PLXDC2: variants seen among roughly 807,000 people sequenced by gnomAD.
PLXDC2 encodes plexin domain-containing protein 2.
In PLXDC2, 40 loss-of-function variants were observed where a neutral mutation model predicts 68.9. The ratio of observed to expected loss-of-function variants is 0.58; its 90% CI spans 0.45 to 0.76. The LOEUF is 0.76. Ranked by LOEUF, PLXDC2 falls within the 30% of genes least tolerant of loss-of-function variation. The probability of loss-of-function intolerance (pLI) is 0.00; values close to 1 mark genes in which losing one functional copy is unlikely to be tolerated. For missense variants in PLXDC2, 644 were observed against 661.9 expected (o/e 0.97, Z 0.30); for synonymous variants, 243 against 234.2 (o/e 1.04, Z -0.34).
At chr10:20,070,532 A>G (rs1268928881) in intron 4 of PLXDC2, among the ~76,000 whole-genome samples, 1 of 152,234 alleles carries the variant, frequency 6.6e-6, no homozygotes, top group Non-Finnish European at 1.5e-5. Flanking sequence ...GGATATATCC[A>G]GTATAGTGCC....
intron 1 of PLXDC2, 28 bp from the exon 2 acceptor site, chr10:20,001,747 T>C: frequency 1.9e-6 from 3 of 1,596,402 alleles, no homozygotes; most frequent in African/African-American, 1.3e-5. Context: ...TAATGAGTGG[T>C]AACCCATTTT....
chr10:20,251,943 G>A (rs1440809403), intron 13 of PLXDC2, among the ~76,000 whole-genome samples: 1 of 138,786 alleles, frequency 7.2e-6, no homozygotes, highest in Non-Finnish European at 1.6e-5. Context: ...ATATTGGAGG[G>A]TTAAAAAAAA....
chr10:19,820,326 A>G (rs368712336), intron 1 of PLXDC2, among the ~76,000 whole-genome samples: 1 of 152,186 alleles, frequency 6.6e-6, no homozygotes, highest in Non-Finnish European at 1.5e-5. Context: ...AGATACTCAC[A>G]GAGTATGTAG....
intron 1 of PLXDC2, among the ~76,000 whole-genome samples, chr10:19,974,385 A>G (rs1271286789): frequency 1.3e-5 from 2 of 152,212 alleles, no homozygotes; most frequent in African/African-American, 2.4e-5. Flanking sequence ...CAGCCAGTCT[A>G]TGGGCTGAAA....
chr10:19,889,096 G>T (rs1269974947), intron 1 of PLXDC2, among the ~76,000 whole-genome samples: 1 of 151,740 alleles, frequency 6.6e-6, no homozygotes, highest in East Asian at 1.9e-4. Context: ...CCCAAATTTT[G>T]ACCCATTGCT....
intron 1 of PLXDC2, among the ~76,000 whole-genome samples, chr10:19,988,010 A>G (rs1834677899): frequency 1.3e-5 from 2 of 152,156 alleles, no homozygotes; most frequent in Admixed American, 6.5e-5. Context: ...TTAGACTCTT[A>G]CCACCAAATA....
chr10:20,179,038 C>T (rs1052075426), intron 9 of PLXDC2, among the ~76,000 whole-genome samples: 3 of 151,940 alleles, frequency 2.0e-5, no homozygotes, highest in African/African-American at 7.2e-5. Context: ...GTTTAGATAA[C>T]GACATAAGGG....
intron 1 of PLXDC2, among the ~76,000 whole-genome samples, chr10:19,864,430 T>A (rs1837377037): frequency 1.3e-5 from 2 of 152,252 alleles, no homozygotes; most frequent in Non-Finnish European, 2.9e-5. Flanking sequence ...TTGGAAAGCC[T>A]ATTTTGTCTC....
At chr10:20,195,533 T>C (rs1319551471) in intron 9 of PLXDC2, among the ~76,000 whole-genome samples, 1 of 152,140 alleles carries the variant, frequency 6.6e-6, no homozygotes, top group Non-Finnish European at 1.5e-5. Flanking sequence ...ATTCATTTAT[T>C]GTTCTTTTCT....
At chr10:19,961,491 A>G (rs991895192) in intron 1 of PLXDC2, among the ~76,000 whole-genome samples, 15 of 152,250 alleles carry the variant, frequency 9.9e-5, no homozygotes, top group Admixed American at 3.9e-4. Flanking sequence ...CTCATACACT[A>G]GAAGTGACAA....
chr10:20,120,274 A>T (rs1024549735), intron 4 of PLXDC2, among the ~76,000 whole-genome samples: 1 of 152,218 alleles, frequency 6.6e-6, no homozygotes, highest in South Asian at 2.1e-4. Flanking sequence ...TGTACCTTGT[A>T]TCATTCTGAG....
At chr10:20,012,419 G>C (rs957483001) in intron 2 of PLXDC2, among the ~76,000 whole-genome samples, 10 of 140,506 alleles carry the variant, frequency 7.1e-5, no homozygotes, top group Admixed American at 4.6e-4. Flanking sequence ...CCAGGTTCAA[G>C]CGATTCTCCT....
chr10:19,860,889 C>T (rs763858618), intron 1 of PLXDC2, among the ~76,000 whole-genome samples: 5 of 152,176 alleles, frequency 3.3e-5, no homozygotes, highest in Non-Finnish European at 5.9e-5. Context: ...CTACTCTGTG[C>T]AACTAAAGGC....
intron 1 of PLXDC2, among the ~76,000 whole-genome samples, chr10:19,908,305 C>T (rs567724770): frequency 2.0e-5 from 3 of 152,188 alleles, no homozygotes; most frequent in South Asian, 2.1e-4. Flanking sequence ...TTTTCTATGG[C>T]GGTAATCTGC....
chr10:19,893,451 G>T (rs988490544), intron 1 of PLXDC2, among the ~76,000 whole-genome samples: 1 of 152,150 alleles, frequency 6.6e-6, no homozygotes, highest in Non-Finnish European at 1.5e-5. Context: ...TTTTTGTAAT[G>T]GTCATTCTCA....
chr10:20,054,391 G>A (rs747599169), intron 3 of PLXDC2, among the ~76,000 whole-genome samples: 2 of 152,080 alleles, frequency 1.3e-5, no homozygotes, highest in Non-Finnish European at 2.9e-5. Flanking sequence ...TTGTAGATGC[G>A]TAAATATGGA....
At chr10:19,941,309 G>T (rs932821914) in intron 1 of PLXDC2, among the ~76,000 whole-genome samples, 1 of 152,128 alleles carries the variant, frequency 6.6e-6, no homozygotes, top group Non-Finnish European at 1.5e-5. Context: ...GAACCAAGAC[G>T]GGCCAATCAG....
chr10:20,215,227 C>G (rs1835119986), intron 10 of PLXDC2, among the ~76,000 whole-genome samples: 1 of 148,452 alleles, frequency 6.7e-6, no homozygotes, highest in Admixed American at 6.9e-5. Context: ...ACATCTGCAC[C>G]ATAGGCTGAT....
chr10:20,115,860 G>A (rs996196317), intron 4 of PLXDC2, among the ~76,000 whole-genome samples: 12 of 152,106 alleles, frequency 7.9e-5, no homozygotes, highest in Non-Finnish European at 1.3e-4. Flanking sequence ...CAGGTTATCC[G>A]GGATAAATCC....
Sources: allele counts gnomAD v4.1 joint callset (sites outside exome capture counted in the v4.1 genomes callset), GRCh38; gene constraint gnomAD v4.1.1; transcripts MANE v1.5; gene names NCBI Gene and HGNC (gene_info 2026-07-23, HGNC 2026-07-21).